Variants in NRXN1 observed in about 807,000 individuals in gnomAD.
NRXN1 encodes the protein neurexin 1.
In NRXN1, 39 loss-of-function variants were observed where a neutral mutation model predicts 150.9. The observed-to-expected ratio is 0.26, with a 90% confidence interval of 0.20 to 0.34. NRXN1 has a LOEUF of 0.34. NRXN1 is among the 10% of genes least tolerant of loss of function. The probability of loss-of-function intolerance (pLI) is 1.00; values close to 1 mark genes in which losing one functional copy is unlikely to be tolerated. For synonymous variants in NRXN1, 924 were observed against 757.0 expected, an observed-to-expected ratio of 1.22 and a Z score of -3.62; for missense variants, 1,815 against 1,949.9, an observed-to-expected ratio of 0.93 and a Z score of 1.30.
At chr2:50,163,909 T>C (rs1308904739) in intron 18 of NRXN1, among the ~76,000 whole-genome samples, 1 of 152,170 alleles carries the variant, frequency 6.6e-6, no homozygotes, top group Non-Finnish European at 1.5e-5. Context: ...AACTACCACT[T>C]TGAGCTAAGT....
chr2:49,991,608 T>C (rs1681973199), intron 21 of NRXN1, among the ~76,000 whole-genome samples: 1 of 152,170 alleles, frequency 6.6e-6, no homozygotes, highest in African/African-American at 2.4e-5. Flanking sequence ...AAATAATGGA[T>C]AGAACTAAAT....
intron 18 of NRXN1, among the ~76,000 whole-genome samples, chr2:50,186,389 G>C (rs1265994089): frequency 3.0e-5 from 4 of 135,114 alleles, no homozygotes; most frequent in Non-Finnish European, 5.1e-5. Flanking sequence ...CTCTTAAAAA[G>C]TACTTGGATG....
At chr2:50,892,682 C>A (rs912994199) in intron 5 of NRXN1, among the ~76,000 whole-genome samples, 1 of 152,130 alleles carries the variant, frequency 6.6e-6, no homozygotes, top group Admixed American at 6.5e-5. Flanking sequence ...GTCTGAGATA[C>A]CTTGGCCAAT....
chr2:50,865,658 G>GTTTTTTTTTTTTTTTTTTTTTTT lies in NRXN1; in HGVS notation c.832+56188_832+56210dup, dbSNP rs71404978. On this transcript the variant is annotated intron_variant, in intron 5 of 22. Coordinates refer to ENST00000401669, the MANE Select transcript of NRXN1 (RefSeq NM_001330078.2). Reference sequence around the variant, plus strand: ...AGTAATTCCCAGTAAGCATTTGAAAGTTTTTTTTTTTTTTTTTTTTTTTTT... The same window carrying GTTTTTTTTTTTTTTTTTTTTTTT: ...AGTAATTCCCAGTAAGCATTTGAAAGTTTTTTTTTTTTTTTTTTTTTTTTTTTTTTTTTTTTTTTTTTTTTTTT... 1.4e-4 allele frequency among the ~76,000 whole-genome samples: 6 copies of GTTTTTTTTTTTTTTTTTTTTTTT among 41,860 alleles called. 3 individuals carry two copies. Among genetic ancestry groups the GTTTTTTTTTTTTTTTTTTTTTTT allele is most frequent in the Non-Finnish European group, 7.8e-5 (2 of 25,612 alleles). The allele number at this position is 41,860 out of a possible 152,430, so 27.5% of individuals were successfully genotyped here.
chr2:50,946,480 G>C (rs1690410185), intron 2 of NRXN1, among the ~76,000 whole-genome samples: 1 of 152,022 alleles, frequency 6.6e-6, no homozygotes, highest in African/African-American at 2.4e-5. Flanking sequence ...CTAACTTTGA[G>C]GAAAGCTTTC....
chr2:50,733,383 G>A (rs548836942), intron 5 of NRXN1, among the ~76,000 whole-genome samples: 1 of 152,056 alleles, frequency 6.6e-6, no homozygotes, highest in Non-Finnish European at 1.5e-5. Context: ...TTTAATTTGT[G>A]TTTCTCTTAT....
intron 2 of NRXN1, among the ~76,000 whole-genome samples, chr2:50,989,117 C>A (rs1279544195): frequency 1.3e-5 from 2 of 151,696 alleles, no homozygotes; most frequent in African/African-American, 2.4e-5. Flanking sequence ...AAATTTATCC[C>A]AATTGGAGGG....
intron 17 of NRXN1, among the ~76,000 whole-genome samples, chr2:50,449,601 G>C (rs1328866754): frequency 6.6e-6 from 1 of 152,080 alleles, no homozygotes; most frequent in Non-Finnish European, 1.5e-5. Flanking sequence ...TGATGCTCCT[G>C]GTCCTCTGAC....
chr2:50,123,182 G>C (rs1704102105), intron 18 of NRXN1, among the ~76,000 whole-genome samples: 1 of 152,110 alleles, frequency 6.6e-6, no homozygotes, highest in African/African-American at 2.4e-5. Flanking sequence ...TTCTACAATG[G>C]AGGAACAGAA....
chr2:50,105,821 T>C (rs979693133), intron 18 of NRXN1, among the ~76,000 whole-genome samples: 2 of 151,944 alleles, frequency 1.3e-5, no homozygotes, highest in African/African-American at 4.8e-5. Flanking sequence ...TTTGGTTGTA[T>C]CAAAAAAGCC....
chr2:50,797,184 AT>A (rs558547800), intron 5 of NRXN1, among the ~76,000 whole-genome samples: 1 of 151,956 alleles, frequency 6.6e-6, no homozygotes, highest in South Asian at 2.1e-4. Context: ...TTATTTTTAA[AT>A]TTTTTTCCTG....
At chr2:50,758,562 C>T (rs963639503) in intron 5 of NRXN1, among the ~76,000 whole-genome samples, 1 of 151,862 alleles carries the variant, frequency 6.6e-6, no homozygotes, top group Admixed American at 6.6e-5. Context: ...TCTGCTTCAG[C>T]CTCCCAAGTA....
chr2:50,992,634 G>A (rs1010869751), intron 2 of NRXN1, among the ~76,000 whole-genome samples: 1 of 151,954 alleles, frequency 6.6e-6, no homozygotes, highest in Non-Finnish European at 1.5e-5. Flanking sequence ...ATGAAAATCA[G>A]GAAGCTGGTT....
intron 17 of NRXN1, among the ~76,000 whole-genome samples, chr2:50,253,934 G>C (rs2067424736): frequency 6.6e-6 from 1 of 150,496 alleles, no homozygotes; most frequent in Non-Finnish European, 1.5e-5. Flanking sequence ...CCCATAAAAT[G>C]AGTTAGGGAG....
chr2:50,750,262 C>T (rs1700444016), intron 5 of NRXN1, among the ~76,000 whole-genome samples: 1 of 151,944 alleles, frequency 6.6e-6, no homozygotes, highest in Non-Finnish European at 1.5e-5. Flanking sequence ...GACCTGTAGT[C>T]ATTTTTTTCA....
chr2:50,426,277 A>C (rs556061211), intron 17 of NRXN1, among the ~76,000 whole-genome samples: 36 of 152,310 alleles, frequency 2.4e-4, no homozygotes, highest in African/African-American at 7.9e-4. Flanking sequence ...TAGTTGCTGT[A>C]ACTGTAAGAG....
At chr2:50,600,517 G>T (rs1390557314) in intron 8 of NRXN1, among the ~76,000 whole-genome samples, 1 of 151,972 alleles carries the variant, frequency 6.6e-6, no homozygotes, top group Admixed American at 6.6e-5. Flanking sequence ...TAGAGACGGG[G>T]TTTCACCATG....
At chr2:49,989,534 G>A (rs1681555441) in intron 21 of NRXN1, among the ~76,000 whole-genome samples, 1 of 152,154 alleles carries the variant, frequency 6.6e-6, no homozygotes, top group African/African-American at 2.4e-5. Context: ...ATTAATTGTT[G>A]TAGCAAGGAA....
intron 5 of NRXN1, among the ~76,000 whole-genome samples, chr2:50,767,050 G>T (rs1247782085): frequency 6.6e-6 from 1 of 151,948 alleles, no homozygotes; most frequent in African/African-American, 2.4e-5. Flanking sequence ...TGAGAATTTC[G>T]GCAAATAAGT....
Sources: gnomAD v4.1 joint callset for allele counts (sites outside exome capture counted in the v4.1 genomes callset) on GRCh38, gnomAD v4.1.1 for gene constraint, MANE v1.5 for transcripts, NCBI Gene and HGNC (gene_info 2026-07-23, HGNC 2026-07-21) for gene names.